The following ZUP1 variants were observed in gnomAD, a reference collection of about 807,000 sequenced individuals.
ZUP1 encodes zinc finger containing ubiquitin peptidase 1, also known as zinc finger-containing ubiquitin peptidase 1.
In ZUP1, 55 loss-of-function variants were observed where a neutral mutation model predicts 68.1. The observed-to-expected ratio is 0.81, with a 90% CI of 0.65 to 1.01. The LOEUF (loss-of-function observed/expected upper bound fraction) is 1.01, where lower values mean the gene tolerates loss of function less well. ZUP1 is among the 50% of genes least tolerant of loss of function. ZUP1 has a pLI of 0.00. For missense variants in ZUP1, 684 were observed against 674.9 expected (o/e 1.01, Z -0.15); for synonymous variants, 223 against 221.5 (o/e 1.01, Z -0.06).
In ZUP1 at chr6:116,658,862, C is replaced by G. The variant is rs1776748327; in HGVS notation, c.733G>C (p.Asp245His). Residue 245 changes from aspartate to histidine, a missense_variant, in exon 4 of 10, where the codon GAC (aspartate) becomes CAC (histidine). Asp to His is a moderately conservative substitution (Grantham distance 81). Coordinates refer to ENST00000368576, the MANE Select transcript of ZUP1 (RefSeq NM_145062.3). ...QLAHQLQQEE[D>H]RKRRSEESRQ... Reference sequence around the variant, plus strand: ...GATTCTTCAGATCTCCTCTTTCTGTCTTCTTCTTGCTGAAGCTGGTGAGCC... The same window carrying G: ...GATTCTTCAGATCTCCTCTTTCTGTGTTCTTCTTGCTGAAGCTGGTGAGCC... 1 of 1,611,500 alleles carries G rather than the reference C, an allele frequency of 6.2e-7. No homozygotes were observed. Among genetic ancestry groups the G allele is most frequent in the Admixed American group, 1.7e-5 (1 of 59,890 alleles).
chr6:116,647,410 T>C, intron 8 of ZUP1, 49 bp downstream of exon 8: 1 of 1,403,348 alleles, frequency 7.1e-7, no homozygotes, highest in South Asian at 1.8e-5. Flanking sequence ...AGCAACAATT[T>C]GTTATCTTAT....
At chr6:116,641,815 C>T (rs2115382057) in intron 9 of ZUP1, among the ~76,000 whole-genome samples, 1 of 152,136 alleles carries the variant, frequency 6.6e-6, no homozygotes. Context: ...CAAAAGCTAG[C>T]AGGAGGCAAG....
intron 9 of ZUP1, among the ~76,000 whole-genome samples, chr6:116,643,887 C>A (rs551045678): frequency 6.6e-5 from 10 of 152,282 alleles, no homozygotes; most frequent in African/African-American, 2.4e-4. Context: ...AAACTACCAT[C>A]AGAGTGAACA....
intron 8 of ZUP1, among the ~76,000 whole-genome samples, chr6:116,646,452 G>C (rs562663361): frequency 6.6e-6 from 1 of 152,090 alleles, no homozygotes; most frequent in South Asian, 2.1e-4. Flanking sequence ...CAAGCACGAA[G>C]GTATATAACA....
chr6:116,657,594 C>T (rs563536579), intron 4 of ZUP1, among the ~76,000 whole-genome samples: 10 of 152,222 alleles, frequency 6.6e-5, no homozygotes, highest in African/African-American at 2.2e-4. Flanking sequence ...CAACAATACT[C>T]ATGTGAGATG....
At chr6:116,649,707 T>C (rs1776420771) in intron 7 of ZUP1, among the ~76,000 whole-genome samples, 1 of 152,194 alleles carries the variant, frequency 6.6e-6, no homozygotes, top group Admixed American at 6.5e-5. Context: ...TAACGATATT[T>C]GAGAGTTCCC....
At position 116,642,937 on chromosome 6, in the gene ZUP1, C is replaced by T. The variant is rs1184930771; in HGVS notation, c.1689+2777G>A. Reference sequence around the variant, plus strand: ...TGACATGATTGTACATCTAGAAAACCCCACTGTCTCAGCCCAAAATCTCCT... The same window carrying T: ...TGACATGATTGTACATCTAGAAAACTCCACTGTCTCAGCCCAAAATCTCCT... On this transcript the variant is annotated intron_variant, in intron 9 of 9. Transcript: ENST00000368576. Among the ~76,000 whole-genome samples, 9 of 152,200 alleles carry T rather than the reference C, an allele frequency of 5.9e-5. No individual in the cohort carries two copies. In the East Asian group the frequency reaches 1.4e-3, roughly 23 times the overall value.
At chr6:116,659,633 T>C (rs956386280) in intron 3 of ZUP1, among the ~76,000 whole-genome samples, 1 of 150,770 alleles carries the variant, frequency 6.6e-6, no homozygotes, top group Non-Finnish European at 1.5e-5. Flanking sequence ...AAAAAAAAAA[T>C]AAAGAGCATA....
At chr6:116,658,723 C>CA in intron 4 of ZUP1, 80 bp downstream of exon 4, 1 of 1,368,682 alleles carries the variant, frequency 7.3e-7, no homozygotes, top group Non-Finnish European at 9.7e-7. Flanking sequence ...ATAACAAGGA[C>CA]AAAAATAATA....
intron 7 of ZUP1, among the ~76,000 whole-genome samples, chr6:116,650,421 T>C (rs1225062058): frequency 4.8e-5 from 1 of 20,714 alleles, no homozygotes; most frequent in African/African-American, 3.8e-4. Flanking sequence ...AAACTCCGTC[T>C]CAAAAAAAAA....
chr6:116,667,081 CT>C lies in ZUP1; in HGVS notation c.111del (p.Gly38ValfsTer2), dbSNP rs1340220536. 6.2e-7 allele frequency: 1 copy of C among 1,613,748 alleles called. No homozygotes were observed. The highest frequency in any genetic ancestry group is 2.2e-5 in the East Asian group (1 of 44,810). ...SEIICPFCKLSGVNYDEMCFH... is the reference protein window; with the variant it reads ...SEIICPFCKLXGVNYDEMCFH... ...AAACACATTTCATCATAATTCACAC[CT>C]GACAACTTGCAAAATGGACATATAA... is the stretch of plus-strand genomic sequence containing the variant. On this transcript the variant is annotated frameshift_variant, in exon 2 of 10. Transcript: ENST00000368576. LOFTEE classifies it high-confidence loss of function.
intron 2 of ZUP1, 101 bp downstream of exon 2, chr6:116,666,533 A>C: frequency 1.1e-6 from 1 of 915,192 alleles, no homozygotes; most frequent in Non-Finnish European, 1.5e-6. Context: ...ATGGATTTCA[A>C]AACACATCTG....
intron 5 of ZUP1, among the ~76,000 whole-genome samples, chr6:116,652,650 A>C (rs1776547694): frequency 6.6e-6 from 1 of 152,124 alleles, no homozygotes; most frequent in South Asian, 2.1e-4. Flanking sequence ...TTCATTTAAA[A>C]ACTCTTGACT....
intron 6 of ZUP1, 74 bp downstream of exon 6, chr6:116,651,930 T>C: frequency 6.7e-7 from 1 of 1,487,144 alleles, no homozygotes; most frequent in East Asian, 2.3e-5. Context: ...AAGCTATTAA[T>C]TGTGTATGCT....
rs569345055 is a variant in ZUP1, at chr6:116,660,662, A to C, written c.670+74T>G. ...TTTAAAATATTTTTTCCATATCACA[A>C]ATCTAAAAATTAGATATGTGTCCTA... On this transcript the variant is annotated intron_variant, in intron 3 of 9. Transcript: ENST00000368576. The C allele has an allele frequency of 8.1e-5, 63 of 775,142 alleles. No individual in the cohort carries two copies. In the East Asian group the frequency reaches 1.9e-3, roughly 23 times the overall value. 48.0% of individuals were successfully genotyped at this position (775,142 alleles called of 1,614,324 possible). A position where few individuals can be genotyped will look rare whatever the true frequency, so the allele number is the denominator to read the frequency against.
At chr6:116,665,725 G>A (rs113140507) in intron 2 of ZUP1, among the ~76,000 whole-genome samples, 2,530 of 148,522 alleles carry the variant, frequency 0.017, 78 homozygotes, top group African/African-American at 0.058. Context: ...GGCTACAGAC[G>A]CAAGCCACTA....
chr6:116,645,719 T>C lies in ZUP1; in HGVS notation c.1684A>G (p.Lys562Glu). ...AVEGALSLEE[K>E]LARRQASQVF... Reference sequence around the variant, plus strand: ...ATAAATATTTAGATACTTACAAGTTTCTCCTCTAGAGAAAGAGCACCCTCT... The same window carrying C: ...ATAAATATTTAGATACTTACAAGTTCCTCCTCTAGAGAAAGAGCACCCTCT... Residue 562 changes from lysine to glutamate, a missense_variant, in exon 9 of 10, where the codon AAA (lysine) becomes GAA (glutamate). Coordinates refer to ENST00000368576, the MANE Select transcript of ZUP1 (RefSeq NM_145062.3). The C allele has an allele frequency of 1.9e-6, 3 of 1,600,840 alleles. No homozygotes were observed. The highest frequency in any genetic ancestry group is 2.6e-6 in the Non-Finnish European group (3 of 1,175,180).
At chr6:116,647,149 G>A (rs936706366) in intron 8 of ZUP1, among the ~76,000 whole-genome samples, 2 of 152,006 alleles carry the variant, frequency 1.3e-5, no homozygotes, top group African/African-American at 2.4e-5. Flanking sequence ...AATACTCCCT[G>A]CTATTATCAG....
In ZUP1 at chr6:116,660,809, C is replaced by G. The variant is rs1174748481; in HGVS notation, c.597G>C (p.Gly199=). The change falls in exon 3 of 10, where the codon GGG becomes GGC. Residue 199 remains glycine, a synonymous_variant. Transcript: ENST00000368576. ...DQPLYDCPMC[G]LICTNYHILQ... ...GAATATGGTAATTTGTACATATGAG[C>G]CCACACATAGGACAATCATAGAGTG... 3 of 1,607,552 alleles carry G rather than the reference C, an allele frequency of 1.9e-6. No individual in the cohort carries two copies. In the Admixed American group the frequency reaches 5.0e-5, roughly 27 times the overall value.
Sources: gnomAD v4.1 joint callset for allele counts (sites outside exome capture counted in the v4.1 genomes callset) on GRCh38, gnomAD v4.1.1 for gene constraint, MANE v1.5 for transcripts, NCBI Gene and HGNC (gene_info 2026-07-23, HGNC 2026-07-21) for gene names.